The following SPOCK1 variants were observed in gnomAD, a reference collection of about 807,000 sequenced individuals.
SPOCK1 encodes the protein SPARC (osteonectin), cwcv and kazal like domains proteoglycan 1.
A neutral mutation model predicts 55.3 loss-of-function variants in SPOCK1; 23 were observed. That is an observed-to-expected ratio of 0.42 (90% CI 0.30 to 0.59). The LOEUF is 0.59. Among genes scored for constraint, SPOCK1 ranks in the 20% least tolerant of loss-of-function variants. SPOCK1 has a pLI of 0.22. For missense variants in SPOCK1, 499 were observed against 552.5 expected, an observed-to-expected ratio of 0.90 and a Z score of 0.97; for synonymous variants, 226 against 221.0, an observed-to-expected ratio of 1.02 and a Z score of -0.20.
At chr5:137,337,238 A>G (rs1750300591) in intron 2 of SPOCK1, among the ~76,000 whole-genome samples, 1 of 152,230 alleles carries the variant, frequency 6.6e-6, no homozygotes, top group Non-Finnish European at 1.5e-5. Context: ...CCCATTTGGC[A>G]GATACATCAA....
chr5:137,012,690 T>C (rs898043626), intron 6 of SPOCK1, among the ~76,000 whole-genome samples: 2 of 152,218 alleles, frequency 1.3e-5, no homozygotes, highest in African/African-American at 4.8e-5. Flanking sequence ...GAGCTAATTC[T>C]AATTAGGGTT....
chr5:137,099,130 G>T (rs892236015), intron 5 of SPOCK1, among the ~76,000 whole-genome samples: 2 of 152,206 alleles, frequency 1.3e-5, no homozygotes, highest in Non-Finnish European at 2.9e-5. Flanking sequence ...AAAAACATTT[G>T]AAAAGTGTCA....
chr5:137,491,125 G>T (rs906535639), intron 2 of SPOCK1, among the ~76,000 whole-genome samples: 2 of 152,180 alleles, frequency 1.3e-5, no homozygotes, highest in Non-Finnish European at 2.9e-5. Context: ...CACAATGCAA[G>T]TATCACCATT....
Position 137,498,523 on chromosome 5 carries a change from C to T in SPOCK1, c.36G>A (p.Ala12=). The T allele has an allele frequency of 6.5e-7, 1 of 1,547,568 alleles. No homozygotes were observed. Among genetic ancestry groups the T allele is most frequent in the African/African-American group, 1.4e-5 (1 of 72,918 alleles). ...PAIAVLAAAA[A]AWCFLQVESR... ...TCTCGACTTGGAGGAAGCACCACGC[C>T]GCGGCGGCCGCCGCCAACACCGCGA... Residue 12 remains alanine, a synonymous_variant, in exon 2 of 11, where the codon GCG becomes GCA. Transcript: ENST00000394945.
chr5:137,071,077 C>T (rs1056106519), intron 5 of SPOCK1, among the ~76,000 whole-genome samples: 1 of 148,950 alleles, frequency 6.7e-6, no homozygotes, highest in Non-Finnish European at 1.5e-5. Flanking sequence ...GGCTAGAGTG[C>T]AGTGGCATAA....
intron 2 of SPOCK1, among the ~76,000 whole-genome samples, chr5:137,353,216 C>A (rs952435578): frequency 6.6e-6 from 1 of 151,920 alleles, no homozygotes; most frequent in African/African-American, 2.4e-5. Context: ...TCCATCTCTG[C>A]AAAAAAATAC....
At chr5:137,276,380 A>G (rs2961641) in intron 2 of SPOCK1, among the ~76,000 whole-genome samples, 76,382 of 151,618 alleles carry the variant, frequency 0.5, 19,544 homozygotes, top group African/African-American at 0.58. Context: ...TGCACTCGAG[A>G]CACCCCTGCT....
chr5:137,478,650 AT>A (rs1161823529), intron 2 of SPOCK1, among the ~76,000 whole-genome samples: 1 of 152,108 alleles, frequency 6.6e-6, no homozygotes, highest in African/African-American at 2.4e-5. Context: ...AATCTAAAGG[AT>A]TTTAAAATTG....
At chr5:137,117,635 T>C (rs1301897394) in intron 4 of SPOCK1, among the ~76,000 whole-genome samples, 1 of 152,136 alleles carries the variant, frequency 6.6e-6, no homozygotes, top group Non-Finnish European at 1.5e-5. Context: ...GTTAGCACTA[T>C]GGTGAAGACA....
chr5:137,493,884 G>C (rs1754243022), intron 2 of SPOCK1, among the ~76,000 whole-genome samples: 4 of 152,108 alleles, frequency 2.6e-5, no homozygotes. Flanking sequence ...CATTATAGCT[G>C]ATATGTTAGA....
chr5:137,192,824 C>T (rs11745569), intron 3 of SPOCK1, among the ~76,000 whole-genome samples: 60,355 of 152,006 alleles, frequency 0.4, 13,157 homozygotes, highest in Non-Finnish European at 0.48. Flanking sequence ...ACCATTTGTA[C>T]GGGGTTTAAT....
chr5:137,171,296 C>T (rs1255421068), intron 3 of SPOCK1, among the ~76,000 whole-genome samples: 1 of 152,144 alleles, frequency 6.6e-6, no homozygotes, highest in Non-Finnish European at 1.5e-5. Context: ...TCCTCTCTGC[C>T]ACTCTTGCAT....
chr5:137,241,292 C>A (rs1756275285), intron 3 of SPOCK1, among the ~76,000 whole-genome samples: 2 of 152,072 alleles, frequency 1.3e-5, no homozygotes, highest in African/African-American at 4.8e-5. Context: ...TAAGCAAAGT[C>A]AAAAGACAAA....
At chr5:137,011,611 C>T (rs1442165204) in intron 6 of SPOCK1, among the ~76,000 whole-genome samples, 1 of 152,182 alleles carries the variant, frequency 6.6e-6, no homozygotes, top group Non-Finnish European at 1.5e-5. Flanking sequence ...TTCCATTCTC[C>T]ACCAGGTCCT....
chr5:137,206,529 C>T (rs749465406), intron 3 of SPOCK1, among the ~76,000 whole-genome samples: 31 of 152,250 alleles, frequency 2.0e-4, no homozygotes, highest in Non-Finnish European at 4.0e-4. Flanking sequence ...TTTCACCCTG[C>T]AATTTACTAG....
intron 2 of SPOCK1, among the ~76,000 whole-genome samples, chr5:137,307,350 T>TA (rs1438026627): frequency 1.3e-5 from 2 of 152,216 alleles, no homozygotes; most frequent in East Asian, 3.9e-4. Context: ...TTGATTTACC[T>TA]ACTTTTCTCC....
At chr5:136,995,881 A>G (rs933810588) in intron 6 of SPOCK1, among the ~76,000 whole-genome samples, 1 of 152,146 alleles carries the variant, frequency 6.6e-6, no homozygotes, top group African/African-American at 2.4e-5. Context: ...GGGTCGAGAG[A>G]GATCAGAAAC....
At chr5:137,409,153 A>C (rs1752159788) in intron 2 of SPOCK1, among the ~76,000 whole-genome samples, 2 of 152,168 alleles carry the variant, frequency 1.3e-5, no homozygotes, top group Non-Finnish European at 2.9e-5. Context: ...TCCAGGAAGC[A>C]CAAGATATGG....
intron 3 of SPOCK1, among the ~76,000 whole-genome samples, chr5:137,149,907 A>G (rs1273489469): frequency 6.6e-6 from 1 of 152,196 alleles, no homozygotes; most frequent in East Asian, 1.9e-4. Flanking sequence ...TTTAGGATTC[A>G]GTTGCAGGCA....
Sources: gnomAD v4.1 joint callset for allele counts (sites outside exome capture counted in the v4.1 genomes callset) on GRCh38, gnomAD v4.1.1 for gene constraint, MANE v1.5 for transcripts, NCBI Gene and HGNC (gene_info 2026-07-23, HGNC 2026-07-21) for gene names.